The following POU2F2 variants were observed in gnomAD, a reference collection of about 807,000 sequenced individuals.
POU2F2 encodes POU domain, class 2, transcription factor 2.
POU2F2 carries 14 observed loss-of-function variants against 63.5 expected under a neutral mutation model. The observed-to-expected ratio is 0.22, with a 90% CI of 0.15 to 0.34. The LOEUF is 0.34. Ranked by LOEUF, POU2F2 falls within the 10% of genes least tolerant of loss-of-function variation. The pLI is 1.00. For missense variants in POU2F2, 607 were observed against 815.2 expected (o/e 0.74, Z 3.11); for synonymous variants, 306 against 348.6 (o/e 0.88, Z 1.36).
At chr19:42,166,215 A>AC (rs2034646317) in intron 1 of POU2F2, among the ~76,000 whole-genome samples, 1 of 152,252 alleles carries the variant, frequency 6.6e-6, no homozygotes, top group African/African-American at 2.4e-5. Flanking sequence ...ATGTGTGTGC[A>AC]CACACTGGAA....
intron 2 of POU2F2, 58 bp downstream of exon 2, chr19:42,122,453 T>C: frequency 6.2e-7 from 1 of 1,608,250 alleles, no homozygotes; most frequent in Admixed American, 1.7e-5. Context: ...TCTCTTCCCA[T>C]CTGTCCCACT....
At chr19:42,172,499 G>C (rs1445826648) in intron 1 of POU2F2, among the ~76,000 whole-genome samples, 2 of 152,150 alleles carry the variant, frequency 1.3e-5, no homozygotes, top group African/African-American at 2.4e-5. Flanking sequence ...GCCTCCTTCC[G>C]AATGCGTCAG....
At position 42,089,904 on chromosome 19, in the gene POU2F2, G is replaced by A. The variant is rs1251368508; in HGVS notation, c.*1353C>T. ...GTCAGTGGAGACGTGTCCGGGGCTG[G>A]TCAAACACAGGGTCCAGCCAAGAGT... On this transcript the variant is annotated 3_prime_UTR_variant, in exon 15 of 15. Coordinates refer to ENST00000692977, the MANE Select transcript of POU2F2 (RefSeq NM_001394376.1). The A allele has an allele frequency of 6.6e-6, 1 of 152,100 alleles. No homozygotes were observed. Among genetic ancestry groups the A allele is most frequent in the Admixed American group, 6.6e-5 (1 of 15,262 alleles). The allele number at this position is 152,100 out of a possible 1,614,324, so 9.4% of individuals were successfully genotyped here. A position where few individuals can be genotyped will look rare whatever the true frequency, so the allele number is the denominator to read the frequency against.
upstream of POU2F2, among the ~76,000 whole-genome samples, chr19:42,135,667 T>A (rs930128775): frequency 3.3e-5 from 5 of 151,914 alleles, no homozygotes; most frequent in Non-Finnish European, 5.9e-5. Flanking sequence ...TTAAAAAAAA[T>A]TAAATTAAGC....
intron 1 of POU2F2, among the ~76,000 whole-genome samples, chr19:42,183,995 ATTTTT>A (rs577786741): frequency 8.0e-6 from 1 of 125,778 alleles, no homozygotes; most frequent in Non-Finnish European, 1.7e-5. Flanking sequence ...ACGACTGGGG[ATTTTT>A]TTTTTTTTTT....
rs1164748090 is a variant in POU2F2 at position 42,155,228 on chromosome 19, G to A, written c.-9+5104C>T. 6.6e-6 allele frequency among the ~76,000 whole-genome samples: 1 copy of A among 152,198 alleles called. No homozygotes were observed. The highest frequency in any genetic ancestry group is 6.5e-5 in the Admixed American group (1 of 15,284). On this transcript the variant is annotated intron_variant, in intron 2 of 6. Coordinates refer to the POU2F2 transcript ENST00000524801. This position sits in a 1 kb window ranked among gnomAD's most constrained non-coding sequence, Gnocchi z 4.2. ...TGATGCACTCTCATGCGCTCAGCTC[G>A]CATGCACGCGCCCTCTCTTTCTCTC...
At position 42,096,521 on chromosome 19, in the gene POU2F2, G is replaced by A. The variant is rs936203557; in HGVS notation, c.568-278C>T. ...CTTCACGCCTGCGAACTCCCAGAAG[G>A]AGCAGCCAGCTTTTTGTGCCAGGGC... On this transcript the variant is annotated intron_variant, in intron 7 of 14. Coordinates refer to ENST00000692977, the MANE Select transcript of POU2F2 (RefSeq NM_001394376.1). This position sits in a 1 kb window ranked among gnomAD's most constrained non-coding sequence, Gnocchi z 4.1. Among the ~76,000 whole-genome samples, 2 of 152,326 alleles carry A rather than the reference G, an allele frequency of 1.3e-5. No individual in the cohort carries two copies. Among genetic ancestry groups the A allele is most frequent in the South Asian group, 2.1e-4 (1 of 4,822 alleles).
chr19:42,134,528 A>T (rs2033954917), upstream of POU2F2: 1 of 152,376 alleles, frequency 6.6e-6, no homozygotes, highest in South Asian at 2.1e-4. Flanking sequence ...CTGAGAGAGG[A>T]TAGAGGGGCA....
At chr19:42,171,534 C>A (rs1400867562) in intron 1 of POU2F2, among the ~76,000 whole-genome samples, 1 of 150,384 alleles carries the variant, frequency 6.6e-6, no homozygotes, top group African/African-American at 2.5e-5. Flanking sequence ...CATGAGGGGC[C>A]GTGTCTGTTT....
chr19:42,182,753 C>G (rs2034976426), intron 1 of POU2F2, among the ~76,000 whole-genome samples: 1 of 152,124 alleles, frequency 6.6e-6, no homozygotes, highest in Non-Finnish European at 1.5e-5. Context: ...GAGAGGTATG[C>G]AGAGCTGGAC....
At position 42,092,026 on chromosome 19, in the gene POU2F2, C is replaced by T. The variant is rs376651765; in HGVS notation, c.1466+43G>A. 39 of 1,570,128 alleles carry T rather than the reference C, an allele frequency of 2.5e-5. No homozygotes were observed. The African/African-American group carries it at 3.1e-4, about 12-fold the overall frequency. ...CCGCTCCCCACCCTAGAAGCAGCAG[C>T]GACCCTGCTTCTCCCCACAGCTTCC... On this transcript the variant is annotated intron_variant, in intron 13 of 14. Coordinates refer to ENST00000692977, the MANE Select transcript of POU2F2 (RefSeq NM_001394376.1). This position sits in a 1 kb window ranked among gnomAD's most constrained non-coding sequence, Gnocchi z 5.0.
At position 42,120,218 on chromosome 19, in the gene POU2F2, CT is replaced by C. The variant is rs60956281; in HGVS notation, c.186+1907del. 4.9e-3 allele frequency among the ~76,000 whole-genome samples: 686 copies of C among 139,032 alleles called. 1 individual carries two copies. The highest frequency in any genetic ancestry group is 0.011 in the African/African-American group (410 of 37,278). 91.2% of individuals were successfully genotyped at this position (139,032 alleles called of 152,430 possible). On this transcript the variant is annotated intron_variant, in intron 4 of 14. Coordinates refer to ENST00000692977, the MANE Select transcript of POU2F2 (RefSeq NM_001394376.1). Reference sequence around the variant, plus strand: ...GAGCCACTGCATCTGGCCTAATCTCCTTTTTTTTTTTTTTTTGAGCTGGAGT... The same window carrying C: ...GAGCCACTGCATCTGGCCTAATCTCCTTTTTTTTTTTTTTTGAGCTGGAGT...
chr19:42,194,860 GGT>G (rs2035114745), intron 1 of POU2F2, among the ~76,000 whole-genome samples: 1 of 128,878 alleles, frequency 7.8e-6, no homozygotes. Flanking sequence ...AGGGAGGGAA[GGT>G]GGAAAGAAGG....
At chr19:42,093,036 G>T (rs2076790900) in intron 12 of POU2F2, among the ~76,000 whole-genome samples, 1 of 107,268 alleles carries the variant, frequency 9.3e-6, no homozygotes, top group Non-Finnish European at 1.7e-5. Flanking sequence ...TTTTGAGATG[G>T]AATCTCACTC....
chr19:42,121,780 C>A lies in POU2F2; in HGVS notation c.186+346G>T, dbSNP rs559396426. On this transcript the variant is annotated intron_variant, in intron 4 of 14. Coordinates refer to ENST00000692977, the MANE Select transcript of POU2F2 (RefSeq NM_001394376.1). ...CAACTGGTACCAGCCCCCCCACCCC[C>A]ACCTCAGCTGGCCGCTAAATGTGTA... Among the ~76,000 whole-genome samples, 9 of 152,348 alleles carry A rather than the reference C, an allele frequency of 5.9e-5. No homozygotes were observed. The South Asian group carries it at 1.9e-3, about 32-fold the overall frequency.
At chr19:42,146,171 C>A (rs2034230745) in intron 2 of POU2F2, among the ~76,000 whole-genome samples, 1 of 152,166 alleles carries the variant, frequency 6.6e-6, no homozygotes, top group Non-Finnish European at 1.5e-5. Context: ...TTGTTAACAT[C>A]CCCATTTTAC....
chr19:42,103,915 G>A (rs1397960862), intron 5 of POU2F2, among the ~76,000 whole-genome samples: 1 of 150,070 alleles, frequency 6.7e-6, no homozygotes, highest in Non-Finnish European at 1.5e-5. Flanking sequence ...TTACAGGCAT[G>A]AGCCACCCTG....
intron 1 of POU2F2, among the ~76,000 whole-genome samples, chr19:42,186,970 G>A (rs1275962432): frequency 1.3e-5 from 2 of 152,150 alleles, no homozygotes; most frequent in African/African-American, 2.4e-5. Context: ...CCAGCAAAGA[G>A]TTATATTAGT....
At chr19:42,170,867 G>A (rs1174116080) in intron 1 of POU2F2, among the ~76,000 whole-genome samples, 1 of 152,234 alleles carries the variant, frequency 6.6e-6, no homozygotes, top group African/African-American at 2.4e-5. Flanking sequence ...TGGGCCCCCA[G>A]CCAGCTTCAG....
Sources: allele counts gnomAD v4.1 joint callset (sites outside exome capture counted in the v4.1 genomes callset), GRCh38; gene constraint gnomAD v4.1.1; non-coding constraint Gnocchi (gnomAD v3.1); transcripts MANE v1.5; gene names NCBI Gene and HGNC (gene_info 2026-07-23, HGNC 2026-07-21).